Variants in LHFPL2 observed in about 807,000 individuals in gnomAD.
LHFPL2 encodes LHFPL tetraspan subfamily member 2.
A neutral mutation model predicts 17.5 loss-of-function variants in LHFPL2; 7 were observed. That is an observed-to-expected ratio of 0.40 (90% confidence interval 0.23 to 0.75). LHFPL2 has a LOEUF of 0.75. LHFPL2 is among the 30% of genes least tolerant of loss of function. LHFPL2 has a pLI of 0.37. For missense variants in LHFPL2, 241 were observed against 294.8 expected (o/e 0.82, Z 1.34); for synonymous variants, 134 against 116.2 (o/e 1.15, Z -0.99).
intron 2 of LHFPL2, among the ~76,000 whole-genome samples, chr5:78,583,645 G>A (rs1438267420): frequency 2.6e-5 from 4 of 152,214 alleles, no homozygotes; most frequent in Non-Finnish European, 5.9e-5. Context: ...TTTCTGCCAA[G>A]AGATCTGCTG....
chr5:78,595,035 T>C (rs1743774576), intron 2 of LHFPL2, among the ~76,000 whole-genome samples: 2 of 152,168 alleles, frequency 1.3e-5, no homozygotes, highest in African/African-American at 4.8e-5. Context: ...ATAGCAAACT[T>C]TGTACCCTGT....
chr5:78,534,337 G>C lies in LHFPL2; in HGVS notation c.-185-23939C>G, dbSNP rs1040379468. 3.3e-5 allele frequency among the ~76,000 whole-genome samples: 5 copies of C among 152,174 alleles called. No individual in the cohort carries two copies. In the East Asian group the frequency reaches 9.7e-4, roughly 29 times the overall value. ...TGACGCCGAGAGGGAGAAATGGCCG[G>C]GAGTCCAGGGAGCTGCTCTGCCTCC... On this transcript the variant is annotated intron_variant, in intron 3 of 4. Coordinates refer to ENST00000380345, the MANE Select transcript of LHFPL2 (RefSeq NM_005779.3).
intron 1 of LHFPL2, among the ~76,000 whole-genome samples, chr5:78,646,384 A>G (rs1480690308): frequency 6.6e-6 from 1 of 152,230 alleles, no homozygotes; most frequent in Admixed American, 6.5e-5. Context: ...ATACCTGATA[A>G]TCATCAGTAA....
chr5:78,611,468 ATGC>A (rs1022031485), intron 2 of LHFPL2, among the ~76,000 whole-genome samples: 8 of 152,112 alleles, frequency 5.3e-5, no homozygotes, highest in Non-Finnish European at 1.0e-4. Context: ...TAAGGAGAGG[ATGC>A]TGAGCTCAGC....
chr5:78,515,206 T>C (rs1189061738), intron 3 of LHFPL2, among the ~76,000 whole-genome samples: 2 of 152,096 alleles, frequency 1.3e-5, no homozygotes, highest in Non-Finnish European at 2.9e-5. Context: ...CAATCACAGC[T>C]CATGCATTGC....
At chr5:78,619,493 A>G (rs1179114710) in intron 2 of LHFPL2, among the ~76,000 whole-genome samples, 1 of 149,010 alleles carries the variant, frequency 6.7e-6, no homozygotes, top group Non-Finnish European at 1.5e-5. Context: ...ATTTATATAT[A>G]TATATATTTA....
intron 2 of LHFPL2, among the ~76,000 whole-genome samples, chr5:78,565,672 T>C (rs1756840498): frequency 6.6e-6 from 1 of 152,236 alleles, no homozygotes; most frequent in South Asian, 2.1e-4. Flanking sequence ...TTACAACCTT[T>C]CTAGACAAAG....
chr5:78,601,470 T>C (rs375245380), intron 2 of LHFPL2, among the ~76,000 whole-genome samples: 17 of 152,310 alleles, frequency 1.1e-4, no homozygotes, highest in African/African-American at 4.1e-4. Context: ...TTAATATTGA[T>C]GGTGAAGGGT....
chr5:78,488,287 A>G lies in LHFPL2; in HGVS notation c.*610T>C, dbSNP rs1194267479. The G allele has an allele frequency of 6.5e-6, 1 of 153,780 alleles. No homozygotes were observed. The highest frequency in any genetic ancestry group is 1.9e-4 in the East Asian group (1 of 5,230). 9.5% of individuals were successfully genotyped at this position (153,780 alleles called of 1,614,324 possible). ...AATCTCTGGAGTGACAGTTCAGTTG[A>G]TCCACCTTACCCTAGGATTCAGCCT... On this transcript the variant is annotated 3_prime_UTR_variant, in exon 5 of 5. Transcript: ENST00000380345.
intron 3 of LHFPL2, among the ~76,000 whole-genome samples, chr5:78,546,378 T>C (rs1439671038): frequency 6.6e-6 from 1 of 152,232 alleles, no homozygotes; most frequent in African/African-American, 2.4e-5. Context: ...CAGCAGTGTA[T>C]GCAAGGGCAT....
intron 2 of LHFPL2, among the ~76,000 whole-genome samples, chr5:78,593,237 G>C (rs989610617): frequency 6.6e-6 from 1 of 152,076 alleles, no homozygotes; most frequent in African/African-American, 2.4e-5. Context: ...AGACACTCCT[G>C]ATTCACTTCT....
intron 2 of LHFPL2, among the ~76,000 whole-genome samples, chr5:78,570,811 G>A (rs1171573185): frequency 6.6e-6 from 1 of 152,032 alleles, no homozygotes; most frequent in Non-Finnish European, 1.5e-5. Flanking sequence ...GGTGAGTGCA[G>A]CACACTTGGG....
At chr5:78,560,535 G>T (rs1454843834) in intron 3 of LHFPL2, among the ~76,000 whole-genome samples, 7 of 152,142 alleles carry the variant, frequency 4.6e-5, no homozygotes. Flanking sequence ...GAAGGAGGGG[G>T]ATCATTTAGC....
At chr5:78,561,902 T>G (rs965087501) in intron 3 of LHFPL2, among the ~76,000 whole-genome samples, 8 of 152,178 alleles carry the variant, frequency 5.3e-5, no homozygotes, top group Non-Finnish European at 1.0e-4. Context: ...TAGAGGCCCC[T>G]TATGCTAATC....
chr5:78,588,316 G>A (rs1743504564), intron 2 of LHFPL2, among the ~76,000 whole-genome samples: 1 of 152,222 alleles, frequency 6.6e-6, no homozygotes, highest in South Asian at 2.1e-4. Context: ...GAATACAGGT[G>A]CATGACACAG....
rs575501055 is a variant in LHFPL2 at position 78,538,769 on chromosome 5, G to C, written c.-186+26044C>G. Among the ~76,000 whole-genome samples the C allele has an allele frequency of 1.5e-4, 23 of 152,280 alleles. No individual in the cohort carries two copies. In the South Asian group the frequency reaches 4.4e-3, roughly 29 times the overall value. ...CCATATGATCCCTGTGTGGGGACAG[G>C]AGCACCCACAGTATAAGCTGCCCCT... On this transcript the variant is annotated intron_variant, in intron 3 of 4. Transcript: ENST00000380345.
At position 78,541,406 on chromosome 5, in the gene LHFPL2, G is replaced by A. The variant is rs377736637; in HGVS notation, c.-186+23407C>T. On this transcript the variant is annotated intron_variant, in intron 3 of 4. Coordinates refer to ENST00000380345, the MANE Select transcript of LHFPL2 (RefSeq NM_005779.3). Reference sequence around the variant, plus strand: ...TGCCCACTCCTGAATTACCCAAAGCGCAGCCCTGGGATGTGGGAGCCACTG... The same window carrying A: ...TGCCCACTCCTGAATTACCCAAAGCACAGCCCTGGGATGTGGGAGCCACTG... Among the ~76,000 whole-genome samples the A allele has an allele frequency of 9.9e-5, 15 of 152,276 alleles. 1 individual carries two copies. The highest frequency in any genetic ancestry group is 3.1e-4 in the African/African-American group (13 of 41,540).
intron 2 of LHFPL2, among the ~76,000 whole-genome samples, chr5:78,582,361 C>G (rs1210098891): frequency 3.3e-5 from 5 of 149,592 alleles, no homozygotes; most frequent in South Asian, 2.2e-4. Flanking sequence ...TTTTCTAGTT[C>G]TTTTAATTGT....
chr5:78,572,467 C>T (rs115605927), intron 2 of LHFPL2, among the ~76,000 whole-genome samples: 5 of 139,864 alleles, frequency 3.6e-5, no homozygotes, highest in African/African-American at 1.6e-4. Flanking sequence ...TGTGTATATA[C>T]ATGTGTATAT....
Sources: gnomAD v4.1 joint callset for allele counts (sites outside exome capture counted in the v4.1 genomes callset) on GRCh38, gnomAD v4.1.1 for gene constraint, MANE v1.5 for transcripts, NCBI Gene and HGNC (gene_info 2026-07-23, HGNC 2026-07-21) for gene names.